SLC35F2: variants seen among roughly 807,000 people sequenced by gnomAD.
SLC35F2 encodes the protein queuine/queuosine transporter SLC35F2.
A neutral mutation model predicts 38.1 loss-of-function variants in SLC35F2; 25 were observed. The observed-to-expected ratio is 0.66, with a 90% confidence interval of 0.48 to 0.92. SLC35F2 has a LOEUF of 0.92. Ranked by LOEUF, SLC35F2 falls within the 40% of genes least tolerant of loss-of-function variation. The probability of loss-of-function intolerance (pLI) is 0.00; values close to 1 mark genes in which losing one functional copy is unlikely to be tolerated. For missense variants in SLC35F2, 409 were observed against 452.9 expected, an observed-to-expected ratio of 0.90 and a Z score of 0.88; for synonymous variants, 173 against 181.7, an observed-to-expected ratio of 0.95 and a Z score of 0.38.
At chr11:107,801,993 C>G (rs1359681814) in intron 7 of SLC35F2, among the ~76,000 whole-genome samples, 1 of 152,140 alleles carries the variant, frequency 6.6e-6, no homozygotes. Flanking sequence ...AATCCCAGCA[C>G]TTTGGGAGGC....
intron 1 of SLC35F2, among the ~76,000 whole-genome samples, chr11:107,824,599 A>G (rs1859725250): frequency 6.6e-6 from 1 of 152,220 alleles, no homozygotes; most frequent in South Asian, 2.1e-4. Flanking sequence ...AAAGAATCCT[A>G]GTCTTTGAAT....
intron 1 of SLC35F2, among the ~76,000 whole-genome samples, chr11:107,842,535 T>A (rs974954566): frequency 2.0e-5 from 3 of 151,878 alleles, no homozygotes; most frequent in African/African-American, 7.2e-5. Context: ...AAAATAAAAT[T>A]TTTTAATACC....
chr11:107,818,210 T>A (rs922954419), intron 1 of SLC35F2, among the ~76,000 whole-genome samples: 3 of 151,872 alleles, frequency 2.0e-5, no homozygotes, highest in Admixed American at 6.6e-5. Context: ...GGCGGGTGAA[T>A]TACTTGAGCC....
intron 7 of SLC35F2, among the ~76,000 whole-genome samples, chr11:107,793,614 T>C (rs1448184633): frequency 6.6e-6 from 1 of 152,220 alleles, no homozygotes; most frequent in Non-Finnish European, 1.5e-5. Flanking sequence ...TACATTATCT[T>C]GTCTCTGTGG....
At chr11:107,856,029 C>T (rs1248377756) in intron 1 of SLC35F2, among the ~76,000 whole-genome samples, 3 of 146,318 alleles carry the variant, frequency 2.1e-5, no homozygotes, top group Non-Finnish European at 4.5e-5. Flanking sequence ...CACTTGAACC[C>T]GGGAGGCAGA....
rs1441860149 is a variant in SLC35F2, at chr11:107,803,509, T to A, written c.785-354A>T. 1.1e-5 allele frequency: 11 copies of A among 984,864 alleles called. No homozygotes were observed. In the Admixed American group the frequency reaches 6.2e-4, roughly 55 times the overall value. The allele number at this position is 984,864 out of a possible 1,614,324, so 61.0% of individuals were successfully genotyped here. A position where few individuals can be genotyped will look rare whatever the true frequency, so the allele number is the denominator to read the frequency against. On this transcript the variant is annotated intron_variant, in intron 6 of 7. Transcript: ENST00000525815. The stretch of plus-strand genomic sequence containing the variant: ...AAGGCCAATAAAGGCAGAATCAACA[T>A]CTCATGTCAAGAAAAATCACTCATT...
Position 107,792,488 on chromosome 11 carries a change from T to C in SLC35F2, c.*127A>G. 1.8e-6 allele frequency: 2 copies of C among 1,120,358 alleles called. No homozygotes were observed. The highest frequency in any genetic ancestry group is 2.4e-6 in the Non-Finnish European group (2 of 818,732). 69.4% of individuals were successfully genotyped at this position (1,120,358 alleles called of 1,614,324 possible). A position where few individuals can be genotyped will look rare whatever the true frequency, so the allele number is the denominator to read the frequency against. ...TTGTTCAGTGTTCCTTTCTAAAACC[T>C]AACCACTGGATCCAACCCAGGGTTG... is the stretch of plus-strand genomic sequence containing the variant. On this transcript the variant is annotated 3_prime_UTR_variant, in exon 8 of 8. Coordinates refer to ENST00000525815, the MANE Select transcript of SLC35F2 (RefSeq NM_017515.5).
At chr11:107,825,113 G>T (rs1363417088) in intron 1 of SLC35F2, among the ~76,000 whole-genome samples, 1 of 152,234 alleles carries the variant, frequency 6.6e-6, no homozygotes, top group East Asian at 1.9e-4. Context: ...GGAAATGTTT[G>T]AAAAGTAGTT....
intron 7 of SLC35F2, among the ~76,000 whole-genome samples, chr11:107,797,104 G>C (rs911762097): frequency 6.6e-6 from 1 of 152,152 alleles, no homozygotes; most frequent in Non-Finnish European, 1.5e-5. Context: ...CAAATACTCT[G>C]ACTTGTACAC....
intron 1 of SLC35F2, among the ~76,000 whole-genome samples, chr11:107,819,254 A>C (rs1157194043): frequency 6.6e-6 from 1 of 152,194 alleles, no homozygotes; most frequent in Non-Finnish European, 1.5e-5. Context: ...TCGTTTTCCT[A>C]GATTGCTCTC....
chr11:107,824,081 G>T, intron 1 of SLC35F2: 1 of 812,804 alleles, frequency 1.2e-6, no homozygotes, highest in Non-Finnish European at 1.5e-6. Flanking sequence ...ATTCTAGTAA[G>T]CATGAGTAGC....
intron 3 of SLC35F2, among the ~76,000 whole-genome samples, chr11:107,807,877 G>C (rs1418831191): frequency 6.6e-6 from 1 of 152,066 alleles, no homozygotes; most frequent in Non-Finnish European, 1.5e-5. Context: ...GCCTGGCCCT[G>C]TGTATATCTT....
chr11:107,801,245 G>C (rs886999698), intron 7 of SLC35F2, among the ~76,000 whole-genome samples: 1 of 152,070 alleles, frequency 6.6e-6, no homozygotes, highest in Non-Finnish European at 1.5e-5. Context: ...AATGCTATTT[G>C]CCCATTTCGC....
intron 7 of SLC35F2, among the ~76,000 whole-genome samples, chr11:107,798,499 C>T (rs1032133417): frequency 2.0e-5 from 3 of 152,142 alleles, no homozygotes; most frequent in African/African-American, 4.8e-5. Context: ...GATGGAGAGA[C>T]TAATAAAGAG....
intron 1 of SLC35F2, among the ~76,000 whole-genome samples, chr11:107,826,144 C>T (rs73546836): frequency 0.02 from 3,027 of 152,100 alleles, 83 homozygotes; most frequent in African/African-American, 0.068. Flanking sequence ...AAGCAAGGCA[C>T]ATATTTATAT....
chr11:107,854,460 C>T (rs1860246364), intron 1 of SLC35F2, among the ~76,000 whole-genome samples: 1 of 150,952 alleles, frequency 6.6e-6, no homozygotes, highest in Non-Finnish European at 1.5e-5. Context: ...TAATAATAAA[C>T]AATTAAATAA....
intron 3 of SLC35F2, chr11:107,811,047 A>G: frequency 1.0e-6 from 1 of 985,156 alleles, no homozygotes; most frequent in South Asian, 4.7e-5. Flanking sequence ...CTTATAAAAC[A>G]TTTTGTAGTC....
chr11:107,807,402 T>C (rs1445711518), intron 3 of SLC35F2, among the ~76,000 whole-genome samples: 1 of 151,652 alleles, frequency 6.6e-6, no homozygotes, highest in African/African-American at 2.4e-5. Context: ...TGAGCTGTGA[T>C]GGTGCCACTG....
intron 7 of SLC35F2, among the ~76,000 whole-genome samples, chr11:107,799,192 G>A (rs1859266850): frequency 6.6e-6 from 1 of 152,146 alleles, no homozygotes; most frequent in South Asian, 2.1e-4. Context: ...TGTAAGTCTT[G>A]AAACATTTGA....
Sources: allele counts gnomAD v4.1 joint callset (sites outside exome capture counted in the v4.1 genomes callset), GRCh38; gene constraint gnomAD v4.1.1; transcripts MANE v1.5; gene names NCBI Gene and HGNC (gene_info 2026-07-23, HGNC 2026-07-21).